ARSG: variants seen among roughly 807,000 people sequenced by gnomAD.
The protein encoded by ARSG is arylsulfatase G, also known as ASG.
ARSG carries 37 observed loss-of-function variants against 50.5 expected under a neutral mutation model. The observed-to-expected ratio is 0.73, with a 90% CI of 0.56 to 0.96. The LOEUF (loss-of-function observed/expected upper bound fraction) is 0.96, where lower values mean the gene tolerates loss of function less well. Among genes scored for constraint, ARSG ranks in the 50% least tolerant of loss-of-function variants. The pLI is 0.00. For missense variants in ARSG, 629 were observed against 675.3 expected (o/e 0.93, Z 0.76); for synonymous variants, 225 against 254.6 (o/e 0.88, Z 1.11).
At chr17:68,429,914 T>C in the ARSG span, 1 of 1,590,778 alleles carries the variant, frequency 6.3e-7, no homozygotes, top group African/African-American at 1.4e-5. Flanking sequence ...TTTTTTCTTT[T>C]CAGGTTTGGG....
At chr17:68,397,264 G>A (rs1307070895) in intron 10 of ARSG, among the ~76,000 whole-genome samples, 2 of 152,148 alleles carry the variant, frequency 1.3e-5, no homozygotes, top group Non-Finnish European at 2.9e-5. Flanking sequence ...CGTGGTTAAT[G>A]CAGCTGGAGT....
intron 1 of ARSG, among the ~76,000 whole-genome samples, chr17:68,294,030 T>C (rs1555757281): frequency 1.3e-5 from 2 of 152,078 alleles, no homozygotes; most frequent in African/African-American, 4.8e-5. Context: ...CAAAACTAAC[T>C]CTGTTTAGTT....
Position 68,351,639 on chromosome 17 carries a change from C to A in ARSG, c.519C>A (p.Tyr173Ter). 1 of 1,613,926 alleles carries A rather than the reference C, an allele frequency of 6.2e-7. No homozygotes were observed. The highest frequency in any genetic ancestry group is 8.5e-7 in the Non-Finnish European group (1 of 1,179,886). Residue 173 changes from tyrosine (Y) to a stop codon, truncating the protein, a stop_gained, in exon 5 of 12, where the codon TAC (tyrosine) becomes TAA (stop). Coordinates refer to ENST00000621439, the MANE Select transcript of ARSG (RefSeq NM_001267727.2). LOFTEE classifies it high-confidence loss of function. ...TGGGCTGTACTGATACTCCAGGCTA[C>A]AACCACCCTCCTTGTCCAGCGTGTC... Reference protein sequence around the residue: ...HDMGCTDTPGYNHPPCPACPQ... With the variant: ...HDMGCTDTPG
Position 68,307,671 on chromosome 17 carries a change from G to C in ARSG, c.178G>C (p.Asp60His). 6.2e-7 allele frequency: 1 copy of C among 1,607,498 alleles called. No homozygotes were observed. The highest frequency in any genetic ancestry group is 8.5e-7 in the Non-Finnish European group (1 of 1,173,996). Residue 60 changes from aspartate (D) to histidine (H), a missense_variant, in exon 2 of 12, where the codon GAC becomes CAC. Coordinates refer to ENST00000621439, the MANE Select transcript of ARSG (RefSeq NM_001267727.2). ...DLGANWAETK[D>H]TANLDKMASE... ...GGGAGCAAACTGGGCAGAAACAAAG[G>C]ACACTGCCAACCTTGATAAGATGGC...
At chr17:68,294,609 C>T (rs1555757487) in intron 1 of ARSG, among the ~76,000 whole-genome samples, 2 of 152,164 alleles carry the variant, frequency 1.3e-5, no homozygotes, top group African/African-American at 2.4e-5. Context: ...CGATGGCCCA[C>T]CCACCCTTCC....
Position 68,261,887 on chromosome 17 carries a change from T to TCA in ARSG, c.-552+2465_-552+2466dup, listed in dbSNP as rs1434411105. 1.1e-4 allele frequency among the ~76,000 whole-genome samples: 16 copies of TCA among 152,118 alleles called. No individual in the cohort carries two copies. In the South Asian group the frequency reaches 3.1e-3, roughly 30 times the overall value. ...AGTAAGAGAGGCTGGGCGTGGTGGC[T>TCA]CACACCTGTAATCCCAGCACTTTGG... On this transcript the variant is annotated intron_variant, in intron 1 of 11. Coordinates refer to the ARSG transcript ENST00000448504.
At chr17:68,354,978 T>A (rs997229305) in intron 5 of ARSG, among the ~76,000 whole-genome samples, 8 of 152,338 alleles carry the variant, frequency 5.3e-5, no homozygotes, top group African/African-American at 1.9e-4. Context: ...ATGGCAAGTT[T>A]TGATTTCTTC....
chr17:68,265,641 C>T (rs1555746201), intron 1 of ARSG, among the ~76,000 whole-genome samples: 1 of 151,508 alleles, frequency 6.6e-6, no homozygotes, highest in Non-Finnish European at 1.5e-5. Flanking sequence ...GCGGTACTGA[C>T]CTGTGCCGGT....
At chr17:68,424,644 G>A, downstream of ARSG, 1 of 392,260 alleles carries the variant, frequency 2.5e-6, no homozygotes, top group Non-Finnish European at 5.1e-6. Context: ...GGGAGGCCGA[G>A]ACGAGTGGAT....
the ARSG span, chr17:68,434,548 A>G: frequency 1.2e-6 from 2 of 1,613,854 alleles, no homozygotes; most frequent in Admixed American, 3.3e-5. Context: ...TTGACATTGA[A>G]CACAGACCTT....
chr17:68,341,617 C>T (rs891448986), intron 2 of ARSG, among the ~76,000 whole-genome samples: 1 of 152,190 alleles, frequency 6.6e-6, no homozygotes, highest in Non-Finnish European at 1.5e-5. Context: ...TCTCCATGTC[C>T]TGTGGCTCTA....
intron 11 of ARSG, among the ~76,000 whole-genome samples, chr17:68,408,895 A>C: frequency 6.6e-6 from 1 of 151,036 alleles, no homozygotes; most frequent in Non-Finnish European, 1.5e-5. Context: ...GCATTTTTTC[A>C]TGTGTTTTTT....
chr17:68,427,385 C>A, downstream of ARSG: 2 of 692,730 alleles, frequency 2.9e-6, no homozygotes, highest in Non-Finnish European at 4.8e-6. Flanking sequence ...GAGGCAGGGT[C>A]TTGCTCTATT....
chr17:68,351,733 G>T (rs775502340), intron 5 of ARSG, 47 bp downstream of exon 5: 2 of 1,278,468 alleles, frequency 1.6e-6, no homozygotes, highest in South Asian at 1.2e-5. Context: ...ACAAGGCAAA[G>T]TTCCAAGACT....
At chr17:68,427,199 G>A (rs2147773593), downstream of ARSG, 2 of 1,614,178 alleles carry the variant, frequency 1.2e-6, no homozygotes, top group Non-Finnish European at 1.7e-6. Flanking sequence ...ACTGAGGTAA[G>A]GAAGGTCTGA....
At chr17:68,337,935 C>T (rs2078099413) in intron 2 of ARSG, among the ~76,000 whole-genome samples, 1 of 152,020 alleles carries the variant, frequency 6.6e-6, no homozygotes, top group African/African-American at 2.4e-5. Flanking sequence ...CTCTTCTTTC[C>T]AAAAGCATAC....
intron 2 of ARSG, among the ~76,000 whole-genome samples, chr17:68,319,855 A>G (rs1242646487): frequency 2.0e-5 from 3 of 152,208 alleles, no homozygotes; most frequent in South Asian, 4.1e-4. Flanking sequence ...AACCTGAGGT[A>G]GATGTATCTG....
At chr17:68,280,179 C>CAAAA (rs58937538) in intron 1 of ARSG, among the ~76,000 whole-genome samples, 24 of 87,510 alleles carry the variant, frequency 2.7e-4, no homozygotes, top group African/African-American at 5.7e-4. Context: ...AACTCTGTCT[C>CAAAA]AAAAAAAAAA....
chr17:68,270,406 T>C (rs1312353611), intron 1 of ARSG, among the ~76,000 whole-genome samples: 32 of 151,896 alleles, frequency 2.1e-4, no homozygotes, highest in Non-Finnish European at 1.5e-4. Flanking sequence ...ATACAAAAAT[T>C]AGCCAGGCGT....
Sources: allele counts gnomAD v4.1 joint callset (sites outside exome capture counted in the v4.1 genomes callset), GRCh38; gene constraint gnomAD v4.1.1; transcripts MANE v1.5; gene names NCBI Gene and HGNC (gene_info 2026-07-23, HGNC 2026-07-21).